The following UBE3B variants were observed in gnomAD, a reference collection of about 807,000 sequenced individuals.
UBE3B encodes the protein ubiquitin-protein ligase E3B.
A neutral mutation model predicts 132.3 loss-of-function variants in UBE3B; 80 were observed. The ratio of observed to expected loss-of-function variants is 0.60; its 90% CI spans 0.50 to 0.73. UBE3B has a LOEUF of 0.73. Among genes scored for constraint, UBE3B ranks in the 30% least tolerant of loss-of-function variants. UBE3B has a pLI of 0.00. For missense variants in UBE3B, 1,196 were observed against 1,362.5 expected, an observed-to-expected ratio of 0.88 and a Z score of 1.92; for synonymous variants, 487 against 520.4, an observed-to-expected ratio of 0.94 and a Z score of 0.87.
At chr12:109,532,946 T>C (rs1303638617) in intron 26 of UBE3B, among the ~76,000 whole-genome samples, 1 of 152,186 alleles carries the variant, frequency 6.6e-6, no homozygotes, top group Non-Finnish European at 1.5e-5. Flanking sequence ...TCTGCATGAA[T>C]AAGGAGCCGG....
At chr12:109,509,832 A>G (rs1880132958) in intron 16 of UBE3B, 118 bp downstream of exon 16, 2 of 651,374 alleles carry the variant, frequency 3.1e-6, no homozygotes, top group Non-Finnish European at 5.3e-6. Flanking sequence ...GAAGGTGCAC[A>G]TTTATTCCCA....
the UBE3B span, among the ~76,000 whole-genome samples, chr12:109,542,547 A>C: frequency 6.6e-6 from 1 of 152,182 alleles, no homozygotes; most frequent in Admixed American, 6.5e-5. Context: ...CTTATTTGGA[A>C]ATAGGGTTGT....
chr12:109,492,139 T>A (rs908761515), intron 9 of UBE3B: 2 of 152,216 alleles, frequency 1.3e-5, no homozygotes, highest in Non-Finnish European at 2.9e-5. Context: ...CATGACTGTG[T>A]TCCAGTAAAA....
the UBE3B span, among the ~76,000 whole-genome samples, chr12:109,544,592 C>A: frequency 2.6e-5 from 4 of 152,194 alleles, no homozygotes; most frequent in East Asian, 1.9e-4. Flanking sequence ...CCACCACAGA[C>A]CAAGGCTCCC....
At position 109,486,003 on chromosome 12, in the gene UBE3B, T is replaced by C; in HGVS notation, c.283-9T>C. 2 of 1,553,156 alleles carry C rather than the reference T, an allele frequency of 1.3e-6. No homozygotes were observed. Among genetic ancestry groups the C allele is most frequent in the South Asian group, 1.2e-5 (1 of 84,120 alleles). On this transcript the variant is annotated splice_polypyrimidine_tract_variant and intron_variant, in intron 4 of 27. Transcript: ENST00000342494. ...GGGAATGTATAACCCCCAGTGTGTCTCTTTGCAGAGATTTGAGAAGTTGTG... is the reference window on the plus strand; with the variant it reads ...GGGAATGTATAACCCCCAGTGTGTCCCTTTGCAGAGATTTGAGAAGTTGTG...
At position 109,535,175 on chromosome 12, in the gene UBE3B, T is replaced by C. The variant is rs541005443; in HGVS notation, c.*393T>C. ...CTAGAGTGGTTTTTGCAGCATGGGT[T>C]GAGTGTACAAAGCCTACTGTGCGTG... On this transcript the variant is annotated 3_prime_UTR_variant, in exon 28 of 28. Transcript: ENST00000342494. 14 of 165,016 alleles carry C rather than the reference T, an allele frequency of 8.5e-5. No individual in the cohort carries two copies. Among genetic ancestry groups the C allele is most frequent in the Middle Eastern group, 2.8e-3 (1 of 360 alleles). The allele number at this position is 165,016 out of a possible 1,614,324, so 10.2% of individuals were successfully genotyped here.
chr12:109,539,503 A>G, downstream of UBE3B, among the ~76,000 whole-genome samples: 1 of 152,194 alleles, frequency 6.6e-6, no homozygotes, highest in Non-Finnish European at 1.5e-5. Context: ...AGGCCGGTGG[A>G]AAGTTTCCTG....
intron 9 of UBE3B, among the ~76,000 whole-genome samples, chr12:109,495,323 T>G (rs2135881325): frequency 6.6e-6 from 1 of 152,336 alleles, no homozygotes; most frequent in African/African-American, 2.4e-5. Flanking sequence ...TTTTTTCCCC[T>G]CTGTAAGTTG....
At chr12:109,542,168 C>G in the UBE3B span, among the ~76,000 whole-genome samples, 1 of 152,152 alleles carries the variant, frequency 6.6e-6, no homozygotes, top group Non-Finnish European at 1.5e-5. Context: ...AGGAGAATTG[C>G]TTATTCAAGG....
At chr12:109,542,703 C>T in the UBE3B span, among the ~76,000 whole-genome samples, 15 of 152,258 alleles carry the variant, frequency 9.9e-5, no homozygotes, top group African/African-American at 2.9e-4. Flanking sequence ...GGCCAAGGAA[C>T]GCAGGGACTT....
chr12:109,490,800 C>A, intron 8 of UBE3B: 2 of 1,319,556 alleles, frequency 1.5e-6, no homozygotes, highest in South Asian at 1.8e-5. Flanking sequence ...ACACTGCATA[C>A]GGTTTTTTGT....
intron 9 of UBE3B, chr12:109,492,788 G>T (rs996375007): frequency 5.3e-5 from 8 of 150,488 alleles, no homozygotes; most frequent in African/African-American, 2.0e-4. Context: ...ATAATGATAT[G>T]TTTTTATTTA....
chr12:109,545,507 C>G, the UBE3B span, among the ~76,000 whole-genome samples: 13 of 152,242 alleles, frequency 8.5e-5, no homozygotes, highest in Non-Finnish European at 1.6e-4. Flanking sequence ...GATGCCCACT[C>G]AAGTGGGGAA....
downstream of UBE3B, among the ~76,000 whole-genome samples, chr12:109,539,230 C>T (rs537324994): frequency 7.2e-5 from 11 of 152,262 alleles, no homozygotes; most frequent in Non-Finnish European, 1.2e-4. Context: ...AATGAGACTC[C>T]GTCTCAAAAA....
At position 109,534,667 on chromosome 12, in the gene UBE3B, C is replaced by T. The variant is rs1356441249; in HGVS notation, c.3092C>T (p.Pro1031Leu). ...IRKREPGGRL[P>L]TSSTCFNLLK... ...AAGCGGGAGCCAGGCGGCCGCCTGC[C>T]CACCTCCTCCACCTGCTTCAACCTG... The change falls in exon 28 of 28, where the codon CCC (proline) becomes CTC (leucine). Residue 1031 changes from proline to leucine, a missense_variant. By Grantham distance (98) the Pro-to-Leu change is moderately conservative (BLOSUM62 -3). Transcript: ENST00000342494. The surrounding 1 kb of genome is among the most constrained non-coding windows in gnomAD (Gnocchi z 5.2). 6.2e-7 allele frequency: 1 copy of T among 1,610,918 alleles called. No individual in the cohort carries two copies. Among genetic ancestry groups the T allele is most frequent in the Non-Finnish European group, 8.5e-7 (1 of 1,178,754 alleles).
intron 18 of UBE3B, among the ~76,000 whole-genome samples, chr12:109,514,908 TC>T (rs1484859305): frequency 6.6e-6 from 1 of 151,270 alleles, no homozygotes; most frequent in African/African-American, 2.4e-5. Flanking sequence ...CCATCCCCTT[TC>T]TTCTTCTTTT....
chr12:109,523,273 C>T (rs982508898), intron 21 of UBE3B, among the ~76,000 whole-genome samples: 5 of 152,280 alleles, frequency 3.3e-5, no homozygotes, highest in African/African-American at 1.2e-4. Flanking sequence ...CAGCATGCCA[C>T]AGCCGTCTGG....
At chr12:109,529,799 T>G in intron 24 of UBE3B, 91 bp from the exon 25 acceptor site, 2 of 1,476,518 alleles carry the variant, frequency 1.4e-6, no homozygotes, top group South Asian at 2.4e-5. Context: ...GTAAAATGGT[T>G]CAGAAATGAC....
intron 18 of UBE3B, among the ~76,000 whole-genome samples, chr12:109,515,367 G>T (rs56143656): frequency 0.13 from 18,381 of 136,878 alleles, 1,511 homozygotes; most frequent in Non-Finnish European, 0.2. Context: ...CTGTTTTTTT[G>T]TTGTTGTTGT....
Sources: gnomAD v4.1 joint callset for allele counts (sites outside exome capture counted in the v4.1 genomes callset) on GRCh38, gnomAD v4.1.1 for gene constraint, Gnocchi (gnomAD v3.1) non-coding constraint, MANE v1.5 for transcripts, NCBI Gene and HGNC (gene_info 2026-07-23, HGNC 2026-07-21) for gene names.